Variants in ADAMTS17 observed in about 807,000 individuals in gnomAD.
ADAMTS17 encodes A disintegrin and metalloproteinase with thrombospondin motifs 17.
In ADAMTS17, 113 loss-of-function variants were observed where a neutral mutation model predicts 141.5. The ratio of observed to expected loss-of-function variants is 0.80; its 90% CI spans 0.69 to 0.93. The LOEUF (loss-of-function observed/expected upper bound fraction) is 0.93. ADAMTS17 is among the 40% of genes least tolerant of loss of function. The pLI, the probability that ADAMTS17 is intolerant of heterozygous loss-of-function variation, is 0.00. For synonymous variants in ADAMTS17, 768 were observed against 630.6 expected, an observed-to-expected ratio of 1.22 and a Z score of -3.27; for missense variants, 1,659 against 1,517.9, an observed-to-expected ratio of 1.09 and a Z score of -1.54.
intron 2 of ADAMTS17, among the ~76,000 whole-genome samples, chr15:100,338,162 A>T (rs934367005): frequency 1.3e-5 from 2 of 152,222 alleles, no homozygotes; most frequent in Non-Finnish European, 1.5e-5. Context: ...TCAGGATAAG[A>T]CACCAAGAAA....
chr15:100,084,620 G>A (rs972885428), intron 15 of ADAMTS17, among the ~76,000 whole-genome samples: 7 of 152,140 alleles, frequency 4.6e-5, no homozygotes, highest in Non-Finnish European at 7.3e-5. Flanking sequence ...CACCTCACAC[G>A]ACTGGGTACT....
chr15:99,998,299 G>T (rs1378220443), intron 18 of ADAMTS17, among the ~76,000 whole-genome samples: 1 of 152,180 alleles, frequency 6.6e-6, no homozygotes, highest in Non-Finnish European at 1.5e-5. Flanking sequence ...GCGTCTGAAA[G>T]TGTTCTTCTA....
In ADAMTS17 at chr15:100,005,906, C is replaced by T. The variant is rs60336599; in HGVS notation, c.2592-8317G>A. ...GTGTCTCTCTCCTAGGTTCTGGTGG[C>T]GGCTGGGAAGCCTTGGTGTTCCCTG... On this transcript the variant is annotated intron_variant, in intron 18 of 21. Transcript: ENST00000268070. Among the ~76,000 whole-genome samples the T allele has an allele frequency of 5.3e-4, 81 of 152,206 alleles. No homozygotes were observed. The East Asian group carries it at 0.013, about 24-fold the overall frequency.
chr15:100,204,307 T>G (rs529434565), intron 7 of ADAMTS17, among the ~76,000 whole-genome samples: 2 of 152,324 alleles, frequency 1.3e-5, no homozygotes, highest in East Asian at 3.9e-4. Flanking sequence ...GGGTCTGCCT[T>G]TGAGAGAGAT....
intron 20 of ADAMTS17, among the ~76,000 whole-genome samples, chr15:99,992,281 A>G (rs2060705138): frequency 6.6e-6 from 1 of 152,190 alleles, no homozygotes; most frequent in East Asian, 1.9e-4. Context: ...CTTTGAGGGA[A>G]GAGCTATCAG....
intron 3 of ADAMTS17, among the ~76,000 whole-genome samples, chr15:100,294,164 A>G (rs1219910358): frequency 1.3e-5 from 2 of 152,218 alleles, no homozygotes; most frequent in African/African-American, 4.8e-5. Context: ...TCTTATTTCT[A>G]TCATCTGCAT....
chr15:100,223,496 C>T (rs1055435721), intron 7 of ADAMTS17, among the ~76,000 whole-genome samples: 3 of 151,928 alleles, frequency 2.0e-5, no homozygotes, highest in Non-Finnish European at 4.4e-5. Flanking sequence ...CTCACGGGGG[C>T]AGAAGCTGGA....
chr15:100,284,625 T>TC (rs2044388883), intron 3 of ADAMTS17, among the ~76,000 whole-genome samples: 1 of 152,164 alleles, frequency 6.6e-6, no homozygotes, highest in South Asian at 2.1e-4. Flanking sequence ...CTTAGCCTTC[T>TC]CCTCCCTCCC....
chr15:100,273,324 T>C (rs1329582896), intron 4 of ADAMTS17, among the ~76,000 whole-genome samples: 1 of 152,164 alleles, frequency 6.6e-6, no homozygotes, highest in Non-Finnish European at 1.5e-5. Context: ...GAAGTCATAA[T>C]GTCCAGGGCT....
intron 7 of ADAMTS17, among the ~76,000 whole-genome samples, chr15:100,252,043 A>G (rs537774623): frequency 6.6e-6 from 1 of 152,314 alleles, no homozygotes; most frequent in African/African-American, 2.4e-5. Context: ...AAACCAATAA[A>G]AAGTAGTATG....
intron 2 of ADAMTS17, among the ~76,000 whole-genome samples, chr15:100,340,549 G>A (rs1049713071): frequency 6.6e-6 from 1 of 152,178 alleles, no homozygotes; most frequent in Non-Finnish European, 1.5e-5. Context: ...CAAACTTCCT[G>A]TTCCAGGTAC....
intron 8 of ADAMTS17, among the ~76,000 whole-genome samples, chr15:100,161,363 T>C (rs530704124): frequency 6.6e-6 from 1 of 152,262 alleles, no homozygotes; most frequent in South Asian, 2.1e-4. Context: ...TGATGTCAGG[T>C]GTAGGCGTCA....
intron 15 of ADAMTS17, among the ~76,000 whole-genome samples, chr15:100,073,611 T>TAGGG (rs2034147067): frequency 6.6e-6 from 1 of 151,868 alleles, no homozygotes; most frequent in African/African-American, 2.4e-5. Context: ...ATGTCCTTTG[T>TAGGG]AGGGACATGG....
At chr15:99,983,284 C>T (rs28396795) in intron 20 of ADAMTS17, among the ~76,000 whole-genome samples, 6,830 of 152,212 alleles carry the variant, frequency 0.045, 512 homozygotes, top group African/African-American at 0.15. Context: ...ACAGTAGGTG[C>T]TCAATAAGTG....
chr15:100,251,385 C>A (rs1291900234), intron 7 of ADAMTS17, among the ~76,000 whole-genome samples: 2 of 152,206 alleles, frequency 1.3e-5, no homozygotes, highest in Non-Finnish European at 2.9e-5. Flanking sequence ...TATGTAGAAA[C>A]CCTAACTCCC....
rs375285038 is a variant in ADAMTS17 at position 100,072,271 on chromosome 15, G to C, written c.2138-18217C>G. 6.9e-4 allele frequency among the ~76,000 whole-genome samples: 103 copies of C among 148,516 alleles called. 2 individuals carry two copies. The highest frequency in any genetic ancestry group is 2.3e-3 in the African/African-American group (91 of 39,932). ...GAAATAAAAGAGGATACAAACAAAT[G>C]GAAGAACATTCCATGCTCATGGGTA... is the stretch of plus-strand genomic sequence containing the variant. On this transcript the variant is annotated intron_variant, in intron 15 of 21. Transcript: ENST00000268070.
intron 8 of ADAMTS17, among the ~76,000 whole-genome samples, chr15:100,188,669 C>T (rs2040810377): frequency 6.6e-6 from 1 of 152,222 alleles, no homozygotes; most frequent in Non-Finnish European, 1.5e-5. Flanking sequence ...AGAGTGAGGT[C>T]TCTTTGACAG....
intron 7 of ADAMTS17, among the ~76,000 whole-genome samples, chr15:100,203,241 C>G (rs774910162): frequency 1.3e-5 from 2 of 152,182 alleles, no homozygotes; most frequent in Non-Finnish European, 2.9e-5. Context: ...TGACAACAAA[C>G]ACACTCTTGA....
At chr15:100,100,383 G>C (rs1270887276) in intron 14 of ADAMTS17, among the ~76,000 whole-genome samples, 1 of 152,096 alleles carries the variant, frequency 6.6e-6, no homozygotes, top group African/African-American at 2.4e-5. Context: ...CATGCAAAGA[G>C]CTCTTAAGCC....
Sources: allele counts gnomAD v4.1 joint callset (sites outside exome capture counted in the v4.1 genomes callset), GRCh38; gene constraint gnomAD v4.1.1; transcripts MANE v1.5; gene names NCBI Gene and HGNC (gene_info 2026-07-23, HGNC 2026-07-21).